The following CACNA1A variants were observed in gnomAD, a reference collection of about 807,000 sequenced individuals.
CACNA1A encodes voltage-dependent P/Q-type calcium channel subunit alpha-1A.
CACNA1A carries 57 observed loss-of-function variants against 262.4 expected under a neutral mutation model. That is an observed-to-expected ratio of 0.22 (90% CI 0.18 to 0.27). CACNA1A has a LOEUF of 0.27. Ranked by LOEUF, CACNA1A falls within the 10% of genes least tolerant of loss-of-function variation. The pLI is 1.00. For missense variants in CACNA1A, 2,526 were observed against 3,562.8 expected, an observed-to-expected ratio of 0.71 and a Z score of 7.41; for synonymous variants, 1,431 against 1,419.3, an observed-to-expected ratio of 1.01 and a Z score of -0.18.
intron 2 of CACNA1A, among the ~76,000 whole-genome samples, chr19:13,454,423 T>A (rs1338422409): frequency 6.6e-6 from 1 of 151,718 alleles, no homozygotes; most frequent in Non-Finnish European, 1.5e-5. Context: ...CAGACTGGAG[T>A]GCAATGGTGC....
intron 6 of CACNA1A, among the ~76,000 whole-genome samples, chr19:13,342,444 T>A (rs1221521568): frequency 6.6e-6 from 1 of 152,148 alleles, no homozygotes. Flanking sequence ...ATTTGTTAAA[T>A]TCATTAATAT....
rs17846914 is a variant in CACNA1A at position 13,234,892 on chromosome 19, A to G, written c.5249+29T>C. ...GGCAGGCACCCCACCCCACGGAAAC[A>G]GAATTATCAGAGCAGGTCCCCTTCT... On this transcript the variant is annotated intron_variant, in intron 34 of 46. Coordinates refer to ENST00000360228, the MANE Select transcript of CACNA1A (RefSeq NM_001127222.2). The G allele has an allele frequency of 4.0e-4, 600 of 1,493,732 alleles. No homozygotes were observed. The East Asian group carries it at 0.011, about 27-fold the overall frequency. The allele number at this position is 1,493,732 out of a possible 1,614,324, so 92.5% of individuals were successfully genotyped here.
chr19:13,385,431 T>C (rs2059594558), intron 3 of CACNA1A, among the ~76,000 whole-genome samples: 1 of 152,060 alleles, frequency 6.6e-6, no homozygotes, highest in South Asian at 2.1e-4. Flanking sequence ...GGTTTCACCA[T>C]GTTGGTCAGG....
chr19:13,404,448 A>G (rs1451016072), intron 3 of CACNA1A, among the ~76,000 whole-genome samples: 2 of 152,164 alleles, frequency 1.3e-5, no homozygotes, highest in Non-Finnish European at 2.9e-5. Context: ...GCTGGAGTCA[A>G]TTGTTGCTTT....
At chr19:13,263,490 C>T (rs1373931596) in intron 24 of CACNA1A, 1 of 151,618 alleles carries the variant, frequency 6.6e-6, no homozygotes, top group Non-Finnish European at 1.5e-5. Context: ...CAAAAAAGCC[C>T]TTGGTCTAGG....
rs2054590364 is a variant in CACNA1A at position 13,206,969 on chromosome 19, T to TCA, written c.*343_*344insTG. On this transcript the variant is annotated 3_prime_UTR_variant, in exon 47 of 47. Coordinates refer to ENST00000360228, the MANE Select transcript of CACNA1A (RefSeq NM_001127222.2). The stretch of plus-strand genomic sequence containing the variant: ...GTTTTTTTTTTTTTTTTTTTTTTTT[T>TCA]TTTTCATGTTCCCCAAAGTTCTCCA... The TCA allele has an allele frequency of 7.7e-6, 1 of 129,730 alleles. No homozygotes were observed. Among genetic ancestry groups the TCA allele is most frequent in the African/African-American group, 3.2e-5 (1 of 30,964 alleles). The allele number at this position is 129,730 out of a possible 1,614,324, so 8.0% of individuals were successfully genotyped here.
At chr19:13,310,400 A>G (rs920874543) in intron 12 of CACNA1A, among the ~76,000 whole-genome samples, 1 of 129,666 alleles carries the variant, frequency 7.7e-6, no homozygotes, top group African/African-American at 2.9e-5. Flanking sequence ...GGTTGTAGTG[A>G]GCCAAGATTG....
intron 10 of CACNA1A, among the ~76,000 whole-genome samples, chr19:13,330,008 T>A (rs1351200349): frequency 2.0e-5 from 3 of 152,186 alleles, no homozygotes; most frequent in African/African-American, 7.2e-5. Flanking sequence ...CAGGTGCTGG[T>A]TTGCCATGCT....
In CACNA1A at chr19:13,208,706, C is replaced by T. The variant is rs547276349; in HGVS notation, c.6780+50G>A. Reference sequence around the variant, plus strand: ...TGGATGGGGTATCCCCTTCTCTCCTCCCCGCCTCCCGGCCGAGCCCAGCCT... The same window carrying T: ...TGGATGGGGTATCCCCTTCTCTCCTTCCCGCCTCCCGGCCGAGCCCAGCCT... On this transcript the variant is annotated intron_variant, in intron 46 of 46. Coordinates refer to ENST00000360228, the MANE Select transcript of CACNA1A (RefSeq NM_001127222.2). 22 of 1,519,536 alleles carry T rather than the reference C, an allele frequency of 1.4e-5. No homozygotes were observed. In the South Asian group the frequency reaches 2.4e-4, roughly 16 times the overall value. 94.1% of individuals were successfully genotyped at this position (1,519,536 alleles called of 1,614,324 possible).
chr19:13,210,528 G>A lies in CACNA1A; in HGVS notation c.6339+89C>T, dbSNP rs997283503. On this transcript the variant is annotated intron_variant, in intron 44 of 46. Transcript: ENST00000360228. ...CAAAGAAAGGGTGGGGTCCGGGGAC[G>A]GTGAGAGATGACGGGACTCCCTGGA... 7.2e-5 allele frequency: 86 copies of A among 1,194,992 alleles called. 1 individual carries two copies. The East Asian group carries it at 1.3e-3, about 19-fold the overall frequency. 74.0% of individuals were successfully genotyped at this position (1,194,992 alleles called of 1,614,324 possible).
intron 3 of CACNA1A, among the ~76,000 whole-genome samples, chr19:13,427,236 G>A (rs553759657): frequency 9.7e-4 from 147 of 152,144 alleles, no homozygotes; most frequent in Non-Finnish European, 1.7e-3. Flanking sequence ...CGGATCACCT[G>A]AGGTCAGGAG....
At chr19:13,312,868 A>G in intron 11 of CACNA1A, 87 bp from the exon 12 acceptor site, 1 of 627,818 alleles carries the variant, frequency 1.6e-6, no homozygotes, top group South Asian at 2.2e-5. Flanking sequence ...TTTTATTATC[A>G]TTTTTAAACT....
Position 13,234,350 on chromosome 19 carries a change from CAAAAAAAAAAA to C in CACNA1A, c.5249+560_5249+570del, listed in dbSNP as rs71168693. Among the ~76,000 whole-genome samples, 301 of 71,254 alleles carry C rather than the reference CAAAAAAAAAAA, an allele frequency of 4.2e-3. 3 individuals carry two copies. The highest frequency in any genetic ancestry group is 0.017 in the African/African-American group (285 of 17,156). 46.7% of individuals were successfully genotyped at this position (71,254 alleles called of 152,430 possible). ...GGGGAACAGAGCGAGACTCCATCTC[CAAAAAAAAAAA>C]AAAAAAAAAAAAAAGCCCCCCCAAA... On this transcript the variant is annotated intron_variant, in intron 34 of 46. Transcript: ENST00000360228.
At chr19:13,338,527 C>T (rs1302694178) in intron 6 of CACNA1A, among the ~76,000 whole-genome samples, 1 of 149,786 alleles carries the variant, frequency 6.7e-6, no homozygotes, top group African/African-American at 2.5e-5. Context: ...AAACAATCCA[C>T]ACTGTTATCA....
chr19:13,227,538 C>T lies in CACNA1A; in HGVS notation c.5529-11G>A, dbSNP rs2055501876. 1 of 1,499,938 alleles carries T rather than the reference C, an allele frequency of 6.7e-7. No individual in the cohort carries two copies. The highest frequency in any genetic ancestry group is 9.0e-7 in the Non-Finnish European group (1 of 1,110,796). The allele number at this position is 1,499,938 out of a possible 1,614,324, so 92.9% of individuals were successfully genotyped here. A position where few individuals can be genotyped will look rare whatever the true frequency, so the allele number is the denominator to read the frequency against. On this transcript the variant is annotated splice_polypyrimidine_tract_variant and intron_variant, in intron 36 of 46. Transcript: ENST00000360228. ...TAAGGCATGCGGCCCCTGGCAGCAC[C>T]GAAAATGAAAAAAACAAAAACAAAA...
intron 3 of CACNA1A, among the ~76,000 whole-genome samples, chr19:13,403,108 C>CAA (rs1568611419): frequency 1.3e-5 from 2 of 151,514 alleles, no homozygotes; most frequent in Non-Finnish European, 2.9e-5. Context: ...TCCCTTTACC[C>CAA]GACTTTACTG....
At position 13,214,700 on chromosome 19, in the gene CACNA1A, G is replaced by T. The variant is rs2054935638; in HGVS notation, c.5732-92C>A. 3.1e-6 allele frequency: 3 copies of T among 977,160 alleles called. No individual in the cohort carries two copies. Among genetic ancestry groups the T allele is most frequent in the Non-Finnish European group, 4.7e-6 (3 of 632,428 alleles). 60.5% of individuals were successfully genotyped at this position (977,160 alleles called of 1,614,324 possible). On this transcript the variant is annotated intron_variant, in intron 38 of 46. Transcript: ENST00000360228. The surrounding 1 kb of genome is among the most constrained non-coding windows in gnomAD (Gnocchi z 4.1). ...CAAAGCCATAGGCTCCCGAGAACGAGACCCCAATCTTTCTGGTCCCCATGG... is the reference window on the plus strand; with the variant it reads ...CAAAGCCATAGGCTCCCGAGAACGATACCCCAATCTTTCTGGTCCCCATGG...
intron 1 of CACNA1A, among the ~76,000 whole-genome samples, chr19:13,468,960 C>T (rs185958808): frequency 6.6e-6 from 1 of 152,192 alleles, no homozygotes; most frequent in Admixed American, 6.5e-5. Flanking sequence ...GTGAGAAGGG[C>T]CCCAAGAAAG....
At chr19:13,228,213 T>G (rs2055538309) in intron 36 of CACNA1A, among the ~76,000 whole-genome samples, 1 of 151,918 alleles carries the variant, frequency 6.6e-6, no homozygotes, top group African/African-American at 2.4e-5. Flanking sequence ...CGGCCATCAC[T>G]GTTATTTCTA....
Sources: gnomAD v4.1 joint callset for allele counts (sites outside exome capture counted in the v4.1 genomes callset) on GRCh38, gnomAD v4.1.1 for gene constraint, Gnocchi (gnomAD v3.1) non-coding constraint, MANE v1.5 for transcripts, NCBI Gene and HGNC (gene_info 2026-07-23, HGNC 2026-07-21) for gene names.